The following CPT1A variants were observed in gnomAD, a reference collection of about 807,000 sequenced individuals.
CPT1A encodes the protein carnitine palmitoyltransferase 1A, also known as carnitine O-palmitoyltransferase 1, liver isoform.
A neutral mutation model predicts 100.8 loss-of-function variants in CPT1A; 64 were observed. The ratio of observed to expected loss-of-function variants is 0.63; its 90% CI spans 0.52 to 0.78. CPT1A has a LOEUF of 0.78. Ranked by LOEUF, CPT1A falls within the 30% of genes least tolerant of loss-of-function variation. CPT1A has a pLI of 0.00. For missense variants in CPT1A, 802 were observed against 1,034.1 expected (o/e 0.78, Z 3.08); for synonymous variants, 363 against 396.0 (o/e 0.92, Z 0.99).
chr11:68,835,793 C>G (rs534302152), intron 1 of CPT1A, among the ~76,000 whole-genome samples: 5 of 152,342 alleles, frequency 3.3e-5, no homozygotes, highest in South Asian at 4.1e-4. Context: ...AGAAAACACA[C>G]AGATCTGGGT....
At chr11:68,759,522 G>A (rs912042428) in intron 18 of CPT1A, 47 bp downstream of exon 18, 3 of 1,228,602 alleles carry the variant, frequency 2.4e-6, no homozygotes, top group African/African-American at 1.5e-5. Context: ...AAAGAATAAA[G>A]CAAAAATACC....
chr11:68,784,631 G>T (rs1178066563), intron 10 of CPT1A, among the ~76,000 whole-genome samples, 184 bp downstream of exon 10: 2 of 152,174 alleles, frequency 1.3e-5, no homozygotes, highest in Admixed American at 1.3e-4. Context: ...GGGGTGGCCA[G>T]GGACCCCCCA....
rs1946707652 is a variant in CPT1A at position 68,757,118 on chromosome 11, C to G, written c.*526G>C. 1 of 191,196 alleles carries G rather than the reference C, an allele frequency of 5.2e-6. No individual in the cohort carries two copies. The highest frequency in any genetic ancestry group is 5.5e-5 in the Admixed American group (1 of 18,160). The allele number at this position is 191,196 out of a possible 1,614,324, so 11.8% of individuals were successfully genotyped here. A position where few individuals can be genotyped will look rare whatever the true frequency, so the allele number is the denominator to read the frequency against. On this transcript the variant is annotated 3_prime_UTR_variant, in exon 19 of 19. Coordinates refer to ENST00000265641, the MANE Select transcript of CPT1A (RefSeq NM_001876.4). Reference sequence around the variant, plus strand: ...CTACTGGACCAGACGGGAACGGTTACCCACGGTGACAAAAGCAGGTCTCCA... The same window carrying G: ...CTACTGGACCAGACGGGAACGGTTAGCCACGGTGACAAAAGCAGGTCTCCA...
At chr11:68,771,127 G>T (rs545361820) in intron 14 of CPT1A, among the ~76,000 whole-genome samples, 2 of 152,336 alleles carry the variant, frequency 1.3e-5, no homozygotes, top group Admixed American at 1.3e-4. Context: ...TCTCTGAGCT[G>T]CAAGCTCTTT....
chr11:68,807,762 G>A (rs1856089157), intron 3 of CPT1A, 124 bp from the exon 4 acceptor site: 1 of 905,404 alleles, frequency 1.1e-6, no homozygotes, highest in African/African-American at 1.6e-5. Flanking sequence ...GTACAGCCGG[G>A]AAAGTCAGAG....
At chr11:68,767,521 T>A (rs1295320421) in intron 14 of CPT1A, among the ~76,000 whole-genome samples, 2 of 151,978 alleles carry the variant, frequency 1.3e-5, no homozygotes, top group Non-Finnish European at 2.9e-5. Flanking sequence ...CCCAGGGAGG[T>A]CGAGGATGCA....
intron 1 of CPT1A, among the ~76,000 whole-genome samples, chr11:68,833,165 C>G (rs1856922280): frequency 6.6e-6 from 1 of 152,182 alleles, no homozygotes; most frequent in African/African-American, 2.4e-5. Context: ...CTCACTGCTG[C>G]CCAAAGAACT....
chr11:68,842,730 CG>C (rs536401062), upstream of CPT1A, among the ~76,000 whole-genome samples: 147 of 152,088 alleles, frequency 9.7e-4, no homozygotes, highest in African/African-American at 3.4e-3. Flanking sequence ...GGAGAGGGGC[CG>C]GGAGCGGGAA....
At chr11:68,821,433 G>A (rs967811107) in intron 1 of CPT1A, among the ~76,000 whole-genome samples, 16 of 151,988 alleles carry the variant, frequency 1.1e-4, no homozygotes, top group Admixed American at 7.9e-4. Flanking sequence ...GATTACAGGC[G>A]TGAGCCACCG....
intron 12 of CPT1A, among the ~76,000 whole-genome samples, chr11:68,778,846 C>A (rs983854593): frequency 2.0e-5 from 3 of 151,424 alleles, no homozygotes; most frequent in African/African-American, 7.3e-5. Context: ...AGTGCAGTGG[C>A]GTGATCTCGG....
chr11:68,771,752 T>C (rs1170562858), intron 14 of CPT1A, among the ~76,000 whole-genome samples: 4 of 152,232 alleles, frequency 2.6e-5, no homozygotes, highest in African/African-American at 9.6e-5. Context: ...ACTGTTTTCT[T>C]AACTTTAGGT....
chr11:68,790,068 C>CT (rs57230674), intron 9 of CPT1A, among the ~76,000 whole-genome samples: 2,889 of 151,656 alleles, frequency 0.019, 84 homozygotes, highest in African/African-American at 0.062. Context: ...GAAGTAGGGT[C>CT]TTTTTTTTCT....
chr11:68,825,085 C>A (rs1460479723), intron 1 of CPT1A, among the ~76,000 whole-genome samples: 1 of 152,020 alleles, frequency 6.6e-6, no homozygotes, highest in African/African-American at 2.4e-5. Flanking sequence ...CTGTGCCCAG[C>A]CTAATTTTAT....
chr11:68,837,599 C>G (rs1857040671), intron 1 of CPT1A, among the ~76,000 whole-genome samples: 1 of 152,172 alleles, frequency 6.6e-6, no homozygotes, highest in Admixed American at 6.5e-5. Context: ...TGCTCCCTGC[C>G]TCCCTCACAG....
chr11:68,768,408 CTTTTT>C (rs749137279), intron 14 of CPT1A, among the ~76,000 whole-genome samples: 13 of 151,272 alleles, frequency 8.6e-5, no homozygotes, highest in Non-Finnish European at 1.9e-4. Flanking sequence ...TCTTCTTCTT[CTTTTT>C]TTATTTTTTG....
rs147373480 is a variant in CPT1A, at chr11:68,793,352, C to G, written c.930G>C (p.Arg310=). ...CTGGGATCCGGGAAGTATTAAACAT[C>G]CGCTCCCACTGAGCGGAGCAGAGTG... is the stretch of plus-strand genomic sequence containing the variant. The part of the protein sequence containing the change: ...TIPLCSAQWE[R]MFNTSRIPGE... The change falls in exon 9 of 19, where the codon CGG becomes CGC. Residue 310 remains arginine (R), a synonymous_variant. Coordinates refer to ENST00000265641, the MANE Select transcript of CPT1A (RefSeq NM_001876.4). 95 of 1,612,308 alleles carry G rather than the reference C, an allele frequency of 5.9e-5. No individual in the cohort carries two copies. In the African/African-American group the frequency reaches 1.2e-3, roughly 20 times the overall value.
At chr11:68,815,511 A>T in intron 1 of CPT1A, 24 bp from the exon 2 acceptor site, 1 of 1,611,476 alleles carries the variant, frequency 6.2e-7, no homozygotes, top group Non-Finnish European at 8.5e-7. Flanking sequence ...GAGAAAATGT[A>T]ACACAGTGGA....
At chr11:68,833,012 C>A (rs1856917556) in intron 1 of CPT1A, among the ~76,000 whole-genome samples, 1 of 152,232 alleles carries the variant, frequency 6.6e-6, no homozygotes, top group Non-Finnish European at 1.5e-5. Flanking sequence ...ACAACACATT[C>A]TTGGATGCCC....
chr11:68,754,705 C>T (rs1320868940), downstream of CPT1A: 10 of 734,194 alleles, frequency 1.4e-5, no homozygotes, highest in African/African-American at 1.7e-4. Context: ...AATAAATGCA[C>T]AGCAAGTGAA....
Sources: allele counts gnomAD v4.1 joint callset (sites outside exome capture counted in the v4.1 genomes callset), GRCh38; gene constraint gnomAD v4.1.1; transcripts MANE v1.5; gene names NCBI Gene and HGNC (gene_info 2026-07-23, HGNC 2026-07-21).